Variants in RBMS3 observed in about 807,000 individuals in gnomAD.
RBMS3 encodes the protein RNA binding motif single stranded interacting protein 3, also known as RNA-binding motif, single-stranded-interacting protein 3.
RBMS3 carries 27 observed loss-of-function variants against 66.8 expected under a neutral mutation model. The observed-to-expected ratio is 0.40, with a 90% confidence interval of 0.30 to 0.56. The LOEUF is 0.56. Ranked by LOEUF, RBMS3 falls within the 20% of genes least tolerant of loss-of-function variation. RBMS3 has a pLI of 0.40. For synonymous variants in RBMS3, 188 were observed against 183.0 expected (o/e 1.03, Z -0.22); for missense variants, 513 against 549.5 (o/e 0.93, Z 0.66).
chr3:29,312,589 T>C (rs922621470), intron 1 of RBMS3, among the ~76,000 whole-genome samples: 9 of 151,752 alleles, frequency 5.9e-5, no homozygotes, highest in African/African-American at 1.9e-4. Flanking sequence ...TGCATTTATA[T>C]CTGTGTATCT....
intron 1 of RBMS3, among the ~76,000 whole-genome samples, chr3:29,369,702 CAA>C (rs869091966): frequency 1.3e-5 from 1 of 76,380 alleles, no homozygotes; most frequent in Non-Finnish European, 3.1e-5. Context: ...AGCTAAGGGA[CAA>C]AAAGAGACAG....
intron 6 of RBMS3, among the ~76,000 whole-genome samples, chr3:29,764,116 T>G (rs990891634): frequency 7.4e-4 from 85 of 114,462 alleles, no homozygotes; most frequent in African/African-American, 3.1e-3. Flanking sequence ...ATGACTTGCT[T>G]TTTTTAAGGG....
intron 6 of RBMS3, among the ~76,000 whole-genome samples, chr3:29,822,685 GAGA>G (rs2058103323): frequency 6.6e-6 from 1 of 152,110 alleles, no homozygotes; most frequent in Non-Finnish European, 1.5e-5. Context: ...CAATATACTA[GAGA>G]GAGTGCATGG....
chr3:29,365,192 C>A (rs1456617020), intron 1 of RBMS3, among the ~76,000 whole-genome samples: 1 of 151,936 alleles, frequency 6.6e-6, no homozygotes, highest in South Asian at 2.1e-4. Flanking sequence ...TTGGAAGAGG[C>A]CTTGGCTGCA....
intron 4 of RBMS3, among the ~76,000 whole-genome samples, chr3:29,643,861 AACAC>A (rs1282891788): frequency 2.0e-5 from 3 of 152,164 alleles, no homozygotes; most frequent in Non-Finnish European, 2.9e-5. Context: ...GAAAAAGGAA[AACAC>A]ACACACATTC....
chr3:29,387,936 C>G (rs540467642), intron 1 of RBMS3, among the ~76,000 whole-genome samples: 1 of 152,108 alleles, frequency 6.6e-6, no homozygotes, highest in Non-Finnish European at 1.5e-5. Flanking sequence ...GTGCTGGCCT[C>G]TTACCTATTT....
At chr3:29,411,145 C>A (rs1029617345) in intron 1 of RBMS3, among the ~76,000 whole-genome samples, 7 of 152,116 alleles carry the variant, frequency 4.6e-5, no homozygotes, top group African/African-American at 1.2e-4. Context: ...CCTTTGATAT[C>A]TGATATCCAT....
Position 29,409,040 on chromosome 3 carries a change from C to T in RBMS3, c.76-25703C>T, listed in dbSNP as rs188766170. ...CTGAGACCATCTAATTCAACTTGCT[C>T]GTAATATAGATGAGAAAACAGCCTC... On this transcript the variant is annotated intron_variant, in intron 1 of 14. Coordinates refer to ENST00000383767, the MANE Select transcript of RBMS3 (RefSeq NM_001003793.3). Among the ~76,000 whole-genome samples, 169 of 152,108 alleles carry T rather than the reference C, an allele frequency of 1.1e-3. 1 individual carries two copies. The highest frequency in any genetic ancestry group is 6.8e-3 in the Middle Eastern group (2 of 294).
chr3:29,443,703 G>A (rs1015459368), intron 2 of RBMS3, among the ~76,000 whole-genome samples: 4 of 152,246 alleles, frequency 2.6e-5, no homozygotes, highest in Middle Eastern at 3.4e-3. Flanking sequence ...GCAAGAAGAC[G>A]AGCAAGGAGG....
Position 29,824,758 on chromosome 3 carries a change from C to G in RBMS3, c.638-44100C>G, listed in dbSNP as rs9811118. 3.6e-3 allele frequency among the ~76,000 whole-genome samples: 544 copies of G among 152,202 alleles called. 10 individuals are homozygous for G. Among genetic ancestry groups the G allele is most frequent in the African/African-American group, 0.013 (520 of 41,542 alleles). On this transcript the variant is annotated intron_variant, in intron 6 of 14. Transcript: ENST00000383767. ...TATAACAAATTCCAATGAAATCTAGCTCAGAAACCATACAAGAAAAAAGCA... is the reference window on the plus strand; with the variant it reads ...TATAACAAATTCCAATGAAATCTAGGTCAGAAACCATACAAGAAAAAAGCA...
intron 3 of RBMS3, among the ~76,000 whole-genome samples, chr3:29,512,498 T>C (rs189519025): frequency 3.3e-5 from 5 of 152,328 alleles, no homozygotes; most frequent in Non-Finnish European, 5.9e-5. Context: ...TTAAAAAGTC[T>C]TAAAACTTTA....
chr3:29,661,702 C>T (rs1013723328), intron 4 of RBMS3, among the ~76,000 whole-genome samples: 5 of 152,048 alleles, frequency 3.3e-5, no homozygotes, highest in Non-Finnish European at 5.9e-5. Context: ...CTTCAAAGTA[C>T]GCTTATCTTT....
intron 4 of RBMS3, among the ~76,000 whole-genome samples, chr3:29,599,183 T>A (rs1293473304): frequency 1.3e-5 from 2 of 151,440 alleles, no homozygotes; most frequent in African/African-American, 2.4e-5. Context: ...AAGCTACTAT[T>A]TGATAACATA....
At chr3:29,751,420 G>A (rs2055177147) in intron 5 of RBMS3, among the ~76,000 whole-genome samples, 1 of 152,112 alleles carries the variant, frequency 6.6e-6, no homozygotes, top group Non-Finnish European at 1.5e-5. Context: ...CAACATAGGG[G>A]CACAGACTGT....
intron 1 of RBMS3, among the ~76,000 whole-genome samples, chr3:29,413,398 A>ATACG: frequency 6.6e-6 from 1 of 150,534 alleles, no homozygotes; most frequent in Middle Eastern, 3.4e-3. Flanking sequence ...ACATACATAC[A>ATACG]TACATACATA....
intron 5 of RBMS3, among the ~76,000 whole-genome samples, chr3:29,752,979 G>C (rs551186979): frequency 6.6e-6 from 1 of 152,284 alleles, no homozygotes; most frequent in South Asian, 2.1e-4. Flanking sequence ...TAGTAGCTTA[G>C]GTGGAGCAAG....
intron 1 of RBMS3, among the ~76,000 whole-genome samples, chr3:29,373,739 C>A (rs188618935): frequency 1.8e-4 from 28 of 152,296 alleles, no homozygotes; most frequent in African/African-American, 6.7e-4. Context: ...ATTCTTCTAG[C>A]TGGTTTCTGA....
At chr3:29,667,329 C>G (rs2050808651) in intron 4 of RBMS3, among the ~76,000 whole-genome samples, 2 of 152,144 alleles carry the variant, frequency 1.3e-5, no homozygotes, top group East Asian at 3.9e-4. Context: ...CTAATCTAAT[C>G]TATCCCAGTG....
intron 3 of RBMS3, among the ~76,000 whole-genome samples, chr3:29,535,917 A>G (rs1278355676): frequency 6.6e-6 from 1 of 151,828 alleles, no homozygotes; most frequent in Non-Finnish European, 1.5e-5. Flanking sequence ...TATTAATTAC[A>G]TACATTTCAG....
Sources: allele counts gnomAD v4.1 joint callset (sites outside exome capture counted in the v4.1 genomes callset), GRCh38; gene constraint gnomAD v4.1.1; transcripts MANE v1.5; gene names NCBI Gene and HGNC (gene_info 2026-07-23, HGNC 2026-07-21).